The following PKP4 variants were observed in gnomAD, a reference collection of about 807,000 sequenced individuals.
The protein encoded by PKP4 is plakophilin-4.
PKP4 carries 90 observed loss-of-function variants against 145.1 expected under a neutral mutation model. That is an observed-to-expected ratio of 0.62 (90% confidence interval 0.52 to 0.74). The LOEUF (loss-of-function observed/expected upper bound fraction) is 0.74. PKP4 is among the 30% of genes least tolerant of loss of function. The probability of loss-of-function intolerance (pLI) is 0.00; values close to 1 mark genes in which losing one functional copy is unlikely to be tolerated. For missense variants in PKP4, 1,340 were observed against 1,482.7 expected (o/e 0.90, Z 1.58); for synonymous variants, 563 against 577.2 (o/e 0.98, Z 0.35).
intron 4 of PKP4, among the ~76,000 whole-genome samples, chr2:158,616,308 C>A (rs1479275055): frequency 6.6e-6 from 1 of 152,130 alleles, no homozygotes; most frequent in African/African-American, 2.4e-5. Flanking sequence ...TTGGTGCCAC[C>A]ACCTATGTTC....
At chr2:158,610,695 GT>G (rs930465367) in intron 4 of PKP4, among the ~76,000 whole-genome samples, 1 of 152,086 alleles carries the variant, frequency 6.6e-6, no homozygotes. Flanking sequence ...TTTGCTGCAA[GT>G]CACAATATCA....
intron 4 of PKP4, among the ~76,000 whole-genome samples, chr2:158,603,563 C>CT (rs1365350280): frequency 1.3e-5 from 2 of 152,012 alleles, no homozygotes; most frequent in African/African-American, 4.8e-5. Context: ...TGTAGTCTCT[C>CT]TATCTTTTCT....
At chr2:158,493,448 G>T (rs1366077928) in intron 1 of PKP4, among the ~76,000 whole-genome samples, 1 of 151,938 alleles carries the variant, frequency 6.6e-6, no homozygotes, top group Non-Finnish European at 1.5e-5. Context: ...CCCTCCTTTA[G>T]CCTCTTAGTG....
intron 19 of PKP4, among the ~76,000 whole-genome samples, chr2:158,676,144 C>G (rs899487093): frequency 6.6e-6 from 1 of 152,040 alleles, no homozygotes; most frequent in Non-Finnish European, 1.5e-5. Flanking sequence ...ATGAGCCAGG[C>G]TTACTGGGTT....
At chr2:158,472,705 A>G (rs1457246695) in intron 1 of PKP4, among the ~76,000 whole-genome samples, 1 of 151,830 alleles carries the variant, frequency 6.6e-6, no homozygotes, top group Non-Finnish European at 1.5e-5. Flanking sequence ...TCAGATAGAG[A>G]AAAGGAAAAG....
chr2:158,675,177 G>T (rs1385225398), intron 19 of PKP4, among the ~76,000 whole-genome samples: 1 of 152,126 alleles, frequency 6.6e-6, no homozygotes, highest in Non-Finnish European at 1.5e-5. Context: ...ATAACAAAAG[G>T]CACATAGACA....
chr2:158,640,882 A>G (rs1251142240), intron 10 of PKP4, 123 bp downstream of exon 10: 2 of 980,084 alleles, frequency 2.0e-6, no homozygotes, highest in Non-Finnish European at 3.1e-6. Context: ...GGATATTTTG[A>G]TACCAGATAC....
chr2:158,475,112 T>G (rs1274739858), intron 1 of PKP4, among the ~76,000 whole-genome samples: 1 of 152,170 alleles, frequency 6.6e-6, no homozygotes, highest in Non-Finnish European at 1.5e-5. Flanking sequence ...TGTTGTGTTT[T>G]TTGTTCTTGT....
chr2:158,510,116 T>G (rs1287911851), intron 1 of PKP4, among the ~76,000 whole-genome samples: 1 of 152,212 alleles, frequency 6.6e-6, no homozygotes, highest in African/African-American at 2.4e-5. Flanking sequence ...GTAGGAAGAT[T>G]GAAAATGAAA....
At position 158,673,984 on chromosome 2, in the gene PKP4, A is replaced by G; in HGVS notation, c.3111A>G (p.Ser1037=). 1 of 1,594,420 alleles carries G rather than the reference A, an allele frequency of 6.3e-7. No individual in the cohort carries two copies. The highest frequency in any genetic ancestry group is 1.7e-5 in the Admixed American group (1 of 60,012). ...TGTCTACCACCAACCAACAGATGTCACCCATCATTCAGTCAGGTCAGTGGG... is the reference window on the plus strand; with the variant it reads ...TGTCTACCACCAACCAACAGATGTCGCCCATCATTCAGTCAGGTCAGTGGG... ...PSLSTTNQQM[S]PIIQSVGSTS... is the part of the protein sequence containing the mutation. The change falls in exon 19 of 22, where the codon TCA becomes TCG. Residue 1037 remains serine, a synonymous_variant. Coordinates refer to ENST00000389759, the MANE Select transcript of PKP4 (RefSeq NM_003628.6).
chr2:158,506,641 T>C (rs1011232102), intron 1 of PKP4, among the ~76,000 whole-genome samples: 1 of 152,232 alleles, frequency 6.6e-6, no homozygotes, highest in Non-Finnish European at 1.5e-5. Context: ...TTTTGAAATC[T>C]GATCAAGAAT....
At chr2:158,496,132 C>G (rs560698025) in intron 1 of PKP4, among the ~76,000 whole-genome samples, 16 of 146,292 alleles carry the variant, frequency 1.1e-4, no homozygotes, top group African/African-American at 3.8e-4. Context: ...AGGCACGTGC[C>G]ACCACGCCCA....
intron 16 of PKP4, among the ~76,000 whole-genome samples, chr2:158,668,306 C>T (rs961766488): frequency 6.6e-6 from 1 of 152,120 alleles, no homozygotes; most frequent in African/African-American, 2.4e-5. Context: ...TTACCCAGTA[C>T]TTCAGTTCCT....
chr2:158,497,208 T>C (rs1188543631), intron 1 of PKP4, among the ~76,000 whole-genome samples: 1 of 152,194 alleles, frequency 6.6e-6, no homozygotes, highest in Non-Finnish European at 1.5e-5. Flanking sequence ...GCTTCCACCC[T>C]GCAGGAACCT....
At chr2:158,556,525 T>C (rs1350281341) in intron 2 of PKP4, among the ~76,000 whole-genome samples, 12 of 107,904 alleles carry the variant, frequency 1.1e-4, no homozygotes, top group African/African-American at 4.0e-4. Flanking sequence ...CTTTCTCTCT[T>C]TTTTTTTTTT....
intron 4 of PKP4, among the ~76,000 whole-genome samples, chr2:158,618,843 A>G (rs1011131619): frequency 3.3e-5 from 5 of 152,144 alleles, no homozygotes; most frequent in African/African-American, 1.2e-4. Context: ...CCCTGACACT[A>G]CATGCCACCT....
chr2:158,645,169 T>C (rs960861589), intron 11 of PKP4, among the ~76,000 whole-genome samples: 6 of 152,206 alleles, frequency 3.9e-5, no homozygotes, highest in African/African-American at 1.4e-4. Flanking sequence ...ACCATCTGCC[T>C]TAATGTATTT....
At chr2:158,511,370 A>G (rs1425119032) in intron 1 of PKP4, among the ~76,000 whole-genome samples, 5 of 151,934 alleles carry the variant, frequency 3.3e-5, no homozygotes, top group Non-Finnish European at 7.4e-5. Flanking sequence ...TCGGGGGGAG[A>G]GTGAAATTCT....
chr2:158,613,759 T>G (rs1323577422), intron 4 of PKP4, among the ~76,000 whole-genome samples: 9 of 152,214 alleles, frequency 5.9e-5, no homozygotes, highest in Non-Finnish European at 1.2e-4. Flanking sequence ...GTGATGTACA[T>G]GGCACCATTC....
Sources: gnomAD v4.1 joint callset for allele counts (sites outside exome capture counted in the v4.1 genomes callset) on GRCh38, gnomAD v4.1.1 for gene constraint, MANE v1.5 for transcripts, NCBI Gene and HGNC (gene_info 2026-07-23, HGNC 2026-07-21) for gene names.